Variants in EXOC4 observed in about 807,000 individuals in gnomAD.
EXOC4 encodes exocyst complex component 4, also known as SEC8-like 1.
A neutral mutation model predicts 107.2 loss-of-function variants in EXOC4; 71 were observed. That is an observed-to-expected ratio of 0.66 (90% CI 0.55 to 0.81). The LOEUF is 0.81. Among genes scored for constraint, EXOC4 ranks in the 30% least tolerant of loss-of-function variants. The probability of loss-of-function intolerance (pLI) is 0.00; values close to 1 mark genes in which losing one functional copy is unlikely to be tolerated. For synonymous variants in EXOC4, 456 were observed against 441.2 expected, an observed-to-expected ratio of 1.03 and a Z score of -0.42; for missense variants, 1,108 against 1,189.6, an observed-to-expected ratio of 0.93 and a Z score of 1.01.
At chr7:133,339,811 T>C (rs1795616313) in intron 5 of EXOC4, among the ~76,000 whole-genome samples, 1 of 152,204 alleles carries the variant, frequency 6.6e-6, no homozygotes, top group African/African-American at 2.4e-5. Context: ...ATTGTCAGCT[T>C]GGTCACAGTT....
At chr7:133,855,132 T>A (rs868838157) in intron 11 of EXOC4, among the ~76,000 whole-genome samples, 6 of 70,388 alleles carry the variant, frequency 8.5e-5, no homozygotes, top group African/African-American at 1.5e-4. Context: ...TATATAAATA[T>A]ATATATATAT....
intron 10 of EXOC4, among the ~76,000 whole-genome samples, chr7:133,719,764 A>G (rs747523268): frequency 2.0e-4 from 31 of 152,290 alleles, no homozygotes; most frequent in Admixed American, 6.5e-4. Flanking sequence ...CTCAGAAACA[A>G]TACTTTCTCA....
Position 133,997,497 on chromosome 7 carries a change from T to C in EXOC4, c.2212T>C (p.Ser738Pro), listed in dbSNP as rs1440696312. 6.2e-7 allele frequency: 1 copy of C among 1,613,578 alleles called. No individual in the cohort carries two copies. Among genetic ancestry groups the C allele is most frequent in the South Asian group, 1.1e-5 (1 of 91,042 alleles). ...FSNLSTSQML[S>P]PAQDSHTNTD... ...GTTTTATCCTTACCTTTCAGTGCTT[T>C]CTCCTGCTCAAGACAGCCACACGAA... The change falls in exon 15 of 18, where the codon TCT becomes CCT. Residue 738 changes from serine to proline, a missense_variant. Coordinates refer to ENST00000253861, the MANE Select transcript of EXOC4 (RefSeq NM_021807.4).
At chr7:133,307,607 A>G (rs1035231430) in intron 4 of EXOC4, among the ~76,000 whole-genome samples, 1 of 152,248 alleles carries the variant, frequency 6.6e-6, no homozygotes, top group Admixed American at 6.5e-5. Context: ...AAAAAATACA[A>G]GAAACACGAT....
intron 10 of EXOC4, among the ~76,000 whole-genome samples, chr7:133,699,155 TGTTCTTACACTCTTC>T (rs1486748445): frequency 6.6e-6 from 1 of 152,176 alleles, no homozygotes; most frequent in African/African-American, 2.4e-5. Context: ...TTAAAATGCA[TGTTCTTACACTCTTC>T]TCTCTGTTTG....
intron 9 of EXOC4, among the ~76,000 whole-genome samples, chr7:133,594,306 A>G (rs969961122): frequency 2.6e-5 from 4 of 152,160 alleles, no homozygotes; most frequent in African/African-American, 4.8e-5. Context: ...AGAATGAATA[A>G]TATTTTCATT....
At chr7:133,475,254 T>G in intron 7 of EXOC4, 74 bp from the exon 8 acceptor site, 1 of 1,304,988 alleles carries the variant, frequency 7.7e-7, no homozygotes, top group Non-Finnish European at 1.1e-6. Flanking sequence ...ATTTGCATGG[T>G]TTTAAAATAG....
chr7:134,089,416 T>C, the EXOC4 span, among the ~76,000 whole-genome samples: 1 of 152,206 alleles, frequency 6.6e-6, no homozygotes, highest in African/African-American at 2.4e-5. Flanking sequence ...TTAGCAACTC[T>C]TACTTCTGGT....
chr7:133,881,791 C>T (rs2116450499), intron 11 of EXOC4, among the ~76,000 whole-genome samples: 1 of 152,262 alleles, frequency 6.6e-6, no homozygotes, highest in East Asian at 1.9e-4. Context: ...AGTAGTATTG[C>T]CAACAATACT....
chr7:133,827,343 C>T (rs1433959223), intron 11 of EXOC4, among the ~76,000 whole-genome samples: 1 of 152,112 alleles, frequency 6.6e-6, no homozygotes, highest in Non-Finnish European at 1.5e-5. Flanking sequence ...AACTTATTGT[C>T]TTACCTTTGA....
chr7:133,399,947 C>T (rs934015483), intron 7 of EXOC4, among the ~76,000 whole-genome samples: 2 of 152,154 alleles, frequency 1.3e-5, no homozygotes, highest in Non-Finnish European at 2.9e-5. Flanking sequence ...AAGTAGAGGT[C>T]AGATATCTAA....
chr7:133,919,590 A>G (rs1272123133), intron 13 of EXOC4, among the ~76,000 whole-genome samples: 1 of 152,114 alleles, frequency 6.6e-6, no homozygotes, highest in Non-Finnish European at 1.5e-5. Context: ...TATTGTCTCC[A>G]TAGTTTCGTC....
chr7:133,765,442 A>G (rs112946260), intron 10 of EXOC4, among the ~76,000 whole-genome samples: 7 of 152,172 alleles, frequency 4.6e-5, no homozygotes, highest in East Asian at 1.9e-4. Flanking sequence ...TAGAATACCT[A>G]TAAGGATGGT....
intron 9 of EXOC4, among the ~76,000 whole-genome samples, chr7:133,602,392 T>C (rs1381683822): frequency 6.6e-6 from 1 of 152,192 alleles, no homozygotes; most frequent in Non-Finnish European, 1.5e-5. Flanking sequence ...TCTTTTCCCA[T>C]GATTACTAAT....
At position 133,638,258 on chromosome 7, in the gene EXOC4, T is replaced by C. The variant is rs181506385; in HGVS notation, c.1514+8117T>C. ...AAGGCAGCAGAAATAGGAAAGCTTT[T>C]CTTGGGAGATAATATTTTTCATGGA... On this transcript the variant is annotated intron_variant, in intron 10 of 17. Transcript: ENST00000253861. 2.0e-4 allele frequency among the ~76,000 whole-genome samples: 30 copies of C among 152,326 alleles called. No homozygotes were observed. The East Asian group carries it at 4.8e-3, about 24-fold the overall frequency.
intron 5 of EXOC4, among the ~76,000 whole-genome samples, chr7:133,318,828 T>C (rs894630417): frequency 6.6e-6 from 1 of 152,220 alleles, no homozygotes; most frequent in Non-Finnish European, 1.5e-5. Context: ...GTTTAATTAG[T>C]AGCCAAGTTT....
intron 17 of EXOC4, among the ~76,000 whole-genome samples, chr7:134,055,511 C>T (rs6971064): frequency 3.9e-4 from 59 of 152,232 alleles, no homozygotes; most frequent in Admixed American, 3.1e-3. Flanking sequence ...CATATGTTCC[C>T]ATCAAAGCCA....
At chr7:133,904,693 G>A (rs1012529587) in intron 12 of EXOC4, among the ~76,000 whole-genome samples, 1 of 152,166 alleles carries the variant, frequency 6.6e-6, no homozygotes, top group African/African-American at 2.4e-5. Flanking sequence ...AGTATTCTTT[G>A]AGGCTTTGAA....
At chr7:133,776,430 G>C (rs1796346735) in intron 10 of EXOC4, among the ~76,000 whole-genome samples, 1 of 152,100 alleles carries the variant, frequency 6.6e-6, no homozygotes, top group South Asian at 2.1e-4. Flanking sequence ...TCTTGTTCCA[G>C]ACATTTGGCA....
Sources: gnomAD v4.1 joint callset for allele counts (sites outside exome capture counted in the v4.1 genomes callset) on GRCh38, gnomAD v4.1.1 for gene constraint, MANE v1.5 for transcripts, NCBI Gene and HGNC (gene_info 2026-07-23, HGNC 2026-07-21) for gene names.